ZFAND3: variants seen among roughly 807,000 people sequenced by gnomAD.
ZFAND3 encodes AN1-type zinc finger protein 3.
Under a neutral mutation model 29.6 loss-of-function variants are expected in ZFAND3, and 10 were observed. The observed-to-expected ratio is 0.34, with a 90% CI of 0.21 to 0.57. The LOEUF is 0.57. Among genes scored for constraint, ZFAND3 ranks in the 20% least tolerant of loss-of-function variants. ZFAND3 has a pLI of 0.86. For synonymous variants in ZFAND3, 128 were observed against 112.6 expected (o/e 1.14, Z -0.87); for missense variants, 230 against 304.5 (o/e 0.76, Z 1.82).
intron 2 of ZFAND3, among the ~76,000 whole-genome samples, chr6:38,060,466 C>T (rs1039391275): frequency 1.3e-5 from 2 of 148,164 alleles, no homozygotes; most frequent in African/African-American, 2.5e-5. Flanking sequence ...TTTCTCCTCT[C>T]TCTGCTTTCT....
intron 2 of ZFAND3, among the ~76,000 whole-genome samples, chr6:38,040,872 T>G (rs896961267): frequency 5.9e-5 from 9 of 152,350 alleles, no homozygotes; most frequent in Middle Eastern, 3.4e-3. Flanking sequence ...TTGATAAACT[T>G]CTGTTATCTG....
intron 1 of ZFAND3, among the ~76,000 whole-genome samples, chr6:37,826,095 C>CA (rs369470941): frequency 0.029 from 4,182 of 145,138 alleles, 77 homozygotes; most frequent in Middle Eastern, 0.042. Flanking sequence ...CCCTCTCTTG[C>CA]AAAAAAAAAA....
intron 4 of ZFAND3, among the ~76,000 whole-genome samples, chr6:38,083,867 A>G (rs1389106760): frequency 6.6e-6 from 1 of 152,044 alleles, no homozygotes; most frequent in Non-Finnish European, 1.5e-5. Flanking sequence ...ATCCTATACT[A>G]TTTTGTGTAT....
intron 2 of ZFAND3, among the ~76,000 whole-genome samples, chr6:37,940,948 TTTTG>T (rs1467983921): frequency 6.6e-6 from 1 of 152,186 alleles, no homozygotes; most frequent in Admixed American, 6.5e-5. Flanking sequence ...TTACATGGGT[TTTTG>T]TTTGTTTTTG....
At chr6:37,947,002 G>A (rs932355073) in intron 2 of ZFAND3, among the ~76,000 whole-genome samples, 1 of 152,164 alleles carries the variant, frequency 6.6e-6, no homozygotes. Context: ...ACAACAACGT[G>A]AATGTACTTA....
chr6:37,935,199 A>T (rs1055789310), intron 2 of ZFAND3, among the ~76,000 whole-genome samples: 3 of 152,202 alleles, frequency 2.0e-5, no homozygotes, highest in Non-Finnish European at 2.9e-5. Context: ...GAGACTTTCT[A>T]AACTATTGAA....
chr6:37,836,227 C>G (rs1265012163), intron 1 of ZFAND3, among the ~76,000 whole-genome samples: 5 of 152,080 alleles, frequency 3.3e-5, no homozygotes, highest in Admixed American at 3.3e-4. Context: ...TTCCCTAGCC[C>G]CAGTTTAGTG....
intron 1 of ZFAND3, among the ~76,000 whole-genome samples, chr6:37,822,630 CGT>C (rs1763687380): frequency 2.0e-5 from 3 of 152,130 alleles, no homozygotes; most frequent in African/African-American, 7.2e-5. Flanking sequence ...AGTTGCAATA[CGT>C]TGTACAGGTG....
intron 1 of ZFAND3, among the ~76,000 whole-genome samples, chr6:37,867,443 A>G (rs905111494): frequency 2.0e-5 from 3 of 152,018 alleles, no homozygotes; most frequent in African/African-American, 7.2e-5. Context: ...CAAATTACCA[A>G]TTTTTCTGCT....
intron 2 of ZFAND3, among the ~76,000 whole-genome samples, chr6:37,956,479 CAG>C (rs1036259554): frequency 6.6e-6 from 1 of 152,130 alleles, no homozygotes; most frequent in African/African-American, 2.4e-5. Context: ...AACCATCAGT[CAG>C]AGTTAGATGA....
Position 38,153,967 on chromosome 6 carries a change from C to G in ZFAND3, c.*1578C>G. 1 of 985,496 alleles carries G rather than the reference C, an allele frequency of 1.0e-6. No individual in the cohort carries two copies. Among genetic ancestry groups the G allele is most frequent in the Non-Finnish European group, 1.2e-6 (1 of 829,938 alleles). 61.0% of individuals were successfully genotyped at this position (985,496 alleles called of 1,614,324 possible). On this transcript the variant is annotated 3_prime_UTR_variant, in exon 6 of 6. Transcript: ENST00000287218. Reference sequence around the variant, plus strand: ...ATTAACAGCTGAACACCTGCAACTGCAAATGTTTTTTGATCCGACGTACTG... The same window carrying G: ...ATTAACAGCTGAACACCTGCAACTGGAAATGTTTTTTGATCCGACGTACTG...
At chr6:37,983,584 C>T (rs1211910654) in intron 2 of ZFAND3, among the ~76,000 whole-genome samples, 1 of 152,028 alleles carries the variant, frequency 6.6e-6, no homozygotes, top group Non-Finnish European at 1.5e-5. Flanking sequence ...GTCTTGAACT[C>T]CCGACCTCAG....
intron 3 of ZFAND3, among the ~76,000 whole-genome samples, chr6:38,076,426 G>A (rs1234900520): frequency 2.0e-5 from 3 of 152,070 alleles, no homozygotes; most frequent in Admixed American, 2.0e-4. Flanking sequence ...TAATTGTTTA[G>A]GGGAGTTAAG....
intron 2 of ZFAND3, among the ~76,000 whole-genome samples, chr6:37,949,346 C>CT (rs1361913798): frequency 2.0e-5 from 3 of 152,082 alleles, no homozygotes; most frequent in African/African-American, 7.2e-5. Flanking sequence ...GGGGAAAACT[C>CT]TGTGTTTTTC....
chr6:37,850,965 A>G (rs1764269145), intron 1 of ZFAND3, among the ~76,000 whole-genome samples: 1 of 150,534 alleles, frequency 6.6e-6, no homozygotes, highest in African/African-American at 2.4e-5. Flanking sequence ...TCTTGGTTTT[A>G]TCTGTCTTGT....
chr6:38,061,505 C>T, intron 2 of ZFAND3, 88 bp from the exon 3 acceptor site: 2 of 1,480,060 alleles, frequency 1.4e-6, no homozygotes, highest in Non-Finnish European at 1.8e-6. Context: ...GGTGTTGTTG[C>T]ATTTAATTTT....
At chr6:38,050,479 C>T (rs576970951) in intron 2 of ZFAND3, among the ~76,000 whole-genome samples, 4 of 152,072 alleles carry the variant, frequency 2.6e-5, no homozygotes, top group East Asian at 1.9e-4. Flanking sequence ...ATCATGCGGG[C>T]GGTTACCCCC....
chr6:38,047,971 T>G (rs1195080809), intron 2 of ZFAND3, among the ~76,000 whole-genome samples: 2 of 131,898 alleles, frequency 1.5e-5, no homozygotes, highest in Non-Finnish European at 3.2e-5. Context: ...TGGGTTTTTT[T>G]TGTTTTTTTT....
chr6:37,865,202 T>C (rs751642465), intron 1 of ZFAND3, among the ~76,000 whole-genome samples: 4 of 152,104 alleles, frequency 2.6e-5, no homozygotes, highest in Admixed American at 6.6e-5. Context: ...ATAAAAACTT[T>C]AGTATTTCCA....
Sources: gnomAD v4.1 joint callset for allele counts (sites outside exome capture counted in the v4.1 genomes callset) on GRCh38, gnomAD v4.1.1 for gene constraint, MANE v1.5 for transcripts, NCBI Gene and HGNC (gene_info 2026-07-23, HGNC 2026-07-21) for gene names.